ANKMY2: variants seen among roughly 807,000 people sequenced by gnomAD.
ANKMY2 encodes ankyrin repeat and MYND domain-containing protein 2.
ANKMY2 carries 36 observed loss-of-function variants against 50.4 expected under a neutral mutation model. That is an observed-to-expected ratio of 0.71 (90% CI 0.55 to 0.94). The LOEUF (loss-of-function observed/expected upper bound fraction) is 0.94, where lower values mean the gene tolerates loss of function less well. ANKMY2 is among the 40% of genes least tolerant of loss of function. The pLI is 0.00. For missense variants in ANKMY2, 565 were observed against 524.0 expected, an observed-to-expected ratio of 1.08 and a Z score of -0.76; for synonymous variants, 187 against 178.8, an observed-to-expected ratio of 1.05 and a Z score of -0.36.
At chr7:16,611,892 G>A (rs967947235) in intron 5 of ANKMY2, among the ~76,000 whole-genome samples, 4 of 152,136 alleles carry the variant, frequency 2.6e-5, no homozygotes, top group African/African-American at 9.7e-5. Context: ...AAAAGGACCT[G>A]GACCCAGGCA....
rs1442682785 is a variant in ANKMY2, at chr7:16,602,325, C to T, written c.1141+55G>A. ...CGCAGTTTCAGTGTGTTAAGATCAC[C>T]TATCATCTCTCTCTCCACTAAAAAG... is the stretch of plus-strand genomic sequence containing the variant. On this transcript the variant is annotated intron_variant, in intron 9 of 9. Coordinates refer to ENST00000306999, the MANE Select transcript of ANKMY2 (RefSeq NM_020319.3). 3.8e-6 allele frequency: 6 copies of T among 1,585,784 alleles called. No individual in the cohort carries two copies. In the African/African-American group the frequency reaches 8.1e-5, roughly 21 times the overall value.
intron 1 of ANKMY2, among the ~76,000 whole-genome samples, chr7:16,641,253 C>CAA (rs1781741509): frequency 1.3e-5 from 2 of 151,874 alleles, no homozygotes; most frequent in Admixed American, 1.3e-4. Context: ...CACACACACA[C>CAA]ACACACATAG....
chr7:16,630,644 A>T, intron 2 of ANKMY2, among the ~76,000 whole-genome samples: 1 of 152,226 alleles, frequency 6.6e-6, no homozygotes, highest in East Asian at 1.9e-4. Flanking sequence ...GGTAGCAATA[A>T]GCAAACTTCA....
In ANKMY2 at chr7:16,636,415, A is replaced by G. The variant is rs773057489; in HGVS notation, c.108T>C (p.Asn36=). 2 of 1,603,306 alleles carry G rather than the reference A, an allele frequency of 1.2e-6. No homozygotes were observed. Among genetic ancestry groups the G allele is most frequent in the African/African-American group, 2.7e-5 (2 of 74,274 alleles). ...QEAGTLLSSK[N]VRVNCLDENG... ...CCTCGTCCAAACAGTTGACACGAAC[A>G]TTCTTGCTGGATAATAATGTTCCAG... is the stretch of plus-strand genomic sequence containing the variant. The change falls in exon 2 of 10, where the codon AAT becomes AAC. Residue 36 remains asparagine (N), a synonymous_variant. Transcript: ENST00000306999.
At chr7:16,634,868 T>G (rs953354087) in intron 2 of ANKMY2, among the ~76,000 whole-genome samples, 3 of 152,114 alleles carry the variant, frequency 2.0e-5, no homozygotes, top group African/African-American at 7.2e-5. Flanking sequence ...CTTAACTGTG[T>G]TCATGAAAAA....
intron 1 of ANKMY2, chr7:16,644,795 T>C: frequency 2.2e-6 from 1 of 459,970 alleles, no homozygotes; most frequent in Non-Finnish European, 4.5e-6. Context: ...GACTCAGCAC[T>C]GCGGAAGTGG....
At chr7:16,604,955 A>T (rs1391282557) in intron 7 of ANKMY2, 106 bp from the exon 8 acceptor site, 5 of 1,155,672 alleles carry the variant, frequency 4.3e-6, no homozygotes, top group African/African-American at 1.5e-5. Flanking sequence ...TGACACAAAA[A>T]GGAAGAAATC....
Position 16,645,489 on chromosome 7 carries a change from G to C in ANKMY2, c.67+18C>G. On this transcript the variant is annotated intron_variant, in intron 1 of 9. Coordinates refer to ENST00000306999, the MANE Select transcript of ANKMY2 (RefSeq NM_020319.3). ...CGGCCAGGCTGGCCGCGGCCGCGTCGCAGCCCAGCACCCGTACCTTTCCCG... is the reference window on the plus strand; with the variant it reads ...CGGCCAGGCTGGCCGCGGCCGCGTCCCAGCCCAGCACCCGTACCTTTCCCG... 1.9e-6 allele frequency: 3 copies of C among 1,596,678 alleles called. No homozygotes were observed. Among genetic ancestry groups the C allele is most frequent in the South Asian group, 1.1e-5 (1 of 88,956 alleles).
At chr7:16,611,027 G>A (rs1340076629) in intron 5 of ANKMY2, among the ~76,000 whole-genome samples, 1 of 152,152 alleles carries the variant, frequency 6.6e-6, no homozygotes, top group Non-Finnish European at 1.5e-5. Flanking sequence ...GTGCCAGTAT[G>A]CCATTCAAGA....
At chr7:16,616,978 A>G (rs1781364410) in intron 4 of ANKMY2, among the ~76,000 whole-genome samples, 1 of 152,194 alleles carries the variant, frequency 6.6e-6, no homozygotes. Context: ...AGAACCCAGG[A>G]GTGGCAGGCT....
chr7:16,619,462 C>A (rs1781403532), intron 4 of ANKMY2, among the ~76,000 whole-genome samples: 1 of 151,966 alleles, frequency 6.6e-6, no homozygotes, highest in Non-Finnish European at 1.5e-5. Flanking sequence ...CCTAATTATA[C>A]CTTTTTAAAA....
chr7:16,621,784 C>A (rs1305510349), intron 4 of ANKMY2, among the ~76,000 whole-genome samples: 1 of 152,104 alleles, frequency 6.6e-6, no homozygotes, highest in Non-Finnish European at 1.5e-5. Context: ...GCCTGGCCAA[C>A]ATGGCTAAGC....
intron 7 of ANKMY2, among the ~76,000 whole-genome samples, chr7:16,608,041 G>A (rs896767882): frequency 1.3e-5 from 2 of 152,068 alleles, no homozygotes; most frequent in South Asian, 2.1e-4. Context: ...CAAATGCCTC[G>A]TAACCATGAG....
intron 5 of ANKMY2, among the ~76,000 whole-genome samples, chr7:16,611,741 C>A (rs1016038501): frequency 6.6e-6 from 1 of 152,160 alleles, no homozygotes; most frequent in Non-Finnish European, 1.5e-5. Flanking sequence ...TTGATCCCCA[C>A]CCTTCACCTA....
At chr7:16,635,166 A>G (rs1781640575) in intron 2 of ANKMY2, among the ~76,000 whole-genome samples, 1 of 152,190 alleles carries the variant, frequency 6.6e-6, no homozygotes, top group Non-Finnish European at 1.5e-5. Context: ...ATACAACAAA[A>G]AAAACTACTC....
intron 2 of ANKMY2, 145 bp from the exon 3 acceptor site, chr7:16,627,323 A>C: frequency 1.9e-6 from 1 of 518,836 alleles, no homozygotes; most frequent in Non-Finnish European, 3.2e-6. Flanking sequence ...TTGCTTCCAC[A>C]CTTTGATCTT....
At chr7:16,642,656 A>G (rs1303845405) in intron 1 of ANKMY2, among the ~76,000 whole-genome samples, 1 of 152,072 alleles carries the variant, frequency 6.6e-6, no homozygotes, top group Non-Finnish European at 1.5e-5. Context: ...ATGAAAGAAA[A>G]AAAAAAAAAC....
At chr7:16,605,486 A>C (rs578213416) in intron 7 of ANKMY2, among the ~76,000 whole-genome samples, 3 of 151,932 alleles carry the variant, frequency 2.0e-5, no homozygotes, top group Non-Finnish European at 4.4e-5. Context: ...TAGGTTAAAA[A>C]ATATTTATAA....
chr7:16,601,415 G>T (rs1294066626), intron 9 of ANKMY2, among the ~76,000 whole-genome samples: 1 of 152,194 alleles, frequency 6.6e-6, no homozygotes, highest in Non-Finnish European at 1.5e-5. Flanking sequence ...TAACAACTGG[G>T]AGTGCCCATT....
Sources: allele counts gnomAD v4.1 joint callset (sites outside exome capture counted in the v4.1 genomes callset), GRCh38; gene constraint gnomAD v4.1.1; transcripts MANE v1.5; gene names NCBI Gene and HGNC (gene_info 2026-07-23, HGNC 2026-07-21).